Variants in SNTG1 observed in about 807,000 individuals in gnomAD.
SNTG1 encodes the protein gamma-1-syntrophin.
In SNTG1, 39 loss-of-function variants were observed where a neutral mutation model predicts 74.7. The observed-to-expected ratio is 0.52, with a 90% CI of 0.40 to 0.68. The LOEUF is 0.68. Ranked by LOEUF, SNTG1 falls within the 30% of genes least tolerant of loss-of-function variation. The pLI is 0.00. For missense variants in SNTG1, 685 were observed against 609.5 expected (o/e 1.12, Z -1.30); for synonymous variants, 254 against 217.1 (o/e 1.17, Z -1.49).
chr8:50,302,458 T>C (rs2089693238), intron 2 of SNTG1, among the ~76,000 whole-genome samples: 1 of 152,156 alleles, frequency 6.6e-6, no homozygotes, highest in Non-Finnish European at 1.5e-5. Flanking sequence ...GACTGCCACC[T>C]TCTGTAGTGA....
chr8:50,511,183 C>G (rs1326123964), intron 9 of SNTG1, among the ~76,000 whole-genome samples: 1 of 152,206 alleles, frequency 6.6e-6, no homozygotes, highest in South Asian at 2.1e-4. Flanking sequence ...ACCCAGTAGT[C>G]ATTCAGGAGC....
At chr8:50,792,252 C>T (rs1463196887) in intron 18 of SNTG1, among the ~76,000 whole-genome samples, 1 of 151,802 alleles carries the variant, frequency 6.6e-6, no homozygotes, top group Non-Finnish European at 1.5e-5. Flanking sequence ...CAAATATTAA[C>T]TCATTCTAGA....
At chr8:50,656,433 GCACAGAGGAGAAGTGGTGTGC>G (rs1403114052) in intron 13 of SNTG1, among the ~76,000 whole-genome samples, 2 of 152,070 alleles carry the variant, frequency 1.3e-5, no homozygotes, top group African/African-American at 2.4e-5. Context: ...CCCCTATCAG[GCACAGAGGAGAAGTGGTGTGC>G]CGCCCTAGTG....
chr8:50,397,054 G>A (rs1010708761), intron 3 of SNTG1, among the ~76,000 whole-genome samples: 5 of 152,156 alleles, frequency 3.3e-5, no homozygotes, highest in Admixed American at 6.5e-5. Context: ...AGTCTCCAAT[G>A]TGGATTTTGT....
chr8:50,314,825 G>C (rs2090253435), intron 2 of SNTG1, among the ~76,000 whole-genome samples: 1 of 149,588 alleles, frequency 6.7e-6, no homozygotes, highest in Non-Finnish European at 1.5e-5. Flanking sequence ...TTCCAACTCT[G>C]CATTTGGCTT....
At chr8:50,522,782 T>G (rs1021646480) in intron 9 of SNTG1, among the ~76,000 whole-genome samples, 3 of 152,132 alleles carry the variant, frequency 2.0e-5, no homozygotes, top group Non-Finnish European at 2.9e-5. Context: ...TTTCACCATG[T>G]TGGCCAGGAT....
intron 18 of SNTG1, among the ~76,000 whole-genome samples, chr8:50,784,499 A>G (rs142249255): frequency 1.0e-3 from 152 of 152,344 alleles, no homozygotes; most frequent in Non-Finnish European, 1.5e-3. Flanking sequence ...TATAACAATT[A>G]TAAGCATATT....
chr8:50,288,019 GC>G (rs553842204), intron 2 of SNTG1, among the ~76,000 whole-genome samples: 136 of 151,944 alleles, frequency 9.0e-4, no homozygotes, highest in Non-Finnish European at 1.0e-3. Context: ...TCCAAATATG[GC>G]ATTTATATTA....
intron 8 of SNTG1, among the ~76,000 whole-genome samples, chr8:50,478,870 A>G (rs2093717322): frequency 6.6e-6 from 1 of 152,190 alleles, no homozygotes; most frequent in Admixed American, 6.5e-5. Flanking sequence ...AGGAATACAT[A>G]GACATCCCAT....
At chr8:50,366,048 A>C (rs763747378) in intron 2 of SNTG1, among the ~76,000 whole-genome samples, 1 of 152,162 alleles carries the variant, frequency 6.6e-6, no homozygotes, top group African/African-American at 2.4e-5. Context: ...ACAATTTATC[A>C]CCTGAGTATT....
At chr8:50,154,198 T>C (rs2131557501) in intron 1 of SNTG1, among the ~76,000 whole-genome samples, 1 of 152,178 alleles carries the variant, frequency 6.6e-6, no homozygotes, top group Admixed American at 6.5e-5. Context: ...TACAGCCCGG[T>C]ACCCCTCTGT....
chr8:50,572,075 G>T (rs549758293), intron 12 of SNTG1, among the ~76,000 whole-genome samples: 1 of 152,124 alleles, frequency 6.6e-6, no homozygotes, highest in African/African-American at 2.4e-5. Flanking sequence ...GTGACTAAAA[G>T]TAATACTGAT....
rs541491344 is a variant in SNTG1, at chr8:49,997,555, A to G, written c.-103+85324A>G. ...ATCACTGAAAATTTTTAAGGTTACC[A>G]CCAAGCCTTATGTTGCTAAAACAAT... On this transcript the variant is annotated intron_variant, in intron 1 of 18. Coordinates refer to ENST00000642720, the MANE Select transcript of SNTG1 (RefSeq NM_018967.5). 3.3e-5 allele frequency among the ~76,000 whole-genome samples: 5 copies of G among 152,206 alleles called. No individual in the cohort carries two copies. The East Asian group carries it at 9.7e-4, about 29-fold the overall frequency.
intron 17 of SNTG1, among the ~76,000 whole-genome samples, chr8:50,714,254 T>C (rs1313386750): frequency 6.6e-6 from 1 of 152,118 alleles, no homozygotes; most frequent in Non-Finnish European, 1.5e-5. Context: ...TAGTATAGTT[T>C]GAAGTCAGGT....
At chr8:50,316,870 C>T (rs1480373922) in intron 2 of SNTG1, among the ~76,000 whole-genome samples, 1 of 152,068 alleles carries the variant, frequency 6.6e-6, no homozygotes, top group Non-Finnish European at 1.5e-5. Flanking sequence ...AATAGTGGAA[C>T]AATATTTCTA....
At chr8:49,951,340 T>C (rs1809678232) in intron 1 of SNTG1, among the ~76,000 whole-genome samples, 1 of 152,158 alleles carries the variant, frequency 6.6e-6, no homozygotes, top group Admixed American at 6.5e-5. Flanking sequence ...GGTTACAATA[T>C]CTAAATAAAT....
chr8:50,157,902 A>G (rs1287133223), intron 1 of SNTG1, among the ~76,000 whole-genome samples: 1 of 152,178 alleles, frequency 6.6e-6, no homozygotes, highest in East Asian at 1.9e-4. Context: ...AAAAATTTCT[A>G]AAGAAATGTT....
chr8:50,145,220 ACT>A (rs2081814829), intron 1 of SNTG1, among the ~76,000 whole-genome samples: 1 of 152,020 alleles, frequency 6.6e-6, no homozygotes, highest in Non-Finnish European at 1.5e-5. Context: ...GATTGAGGAG[ACT>A]CTTCATCGAG....
chr8:50,561,295 G>A (rs1409561720), intron 12 of SNTG1, among the ~76,000 whole-genome samples: 1 of 152,166 alleles, frequency 6.6e-6, no homozygotes, highest in East Asian at 1.9e-4. Flanking sequence ...CCCCAGCCAT[G>A]AGGAACTATG....
Sources: allele counts gnomAD v4.1 joint callset (sites outside exome capture counted in the v4.1 genomes callset), GRCh38; gene constraint gnomAD v4.1.1; transcripts MANE v1.5; gene names NCBI Gene and HGNC (gene_info 2026-07-23, HGNC 2026-07-21).